The following SAMD11 variants were observed in gnomAD, a reference collection of about 807,000 sequenced individuals.
The protein encoded by SAMD11 is sterile alpha motif domain-containing protein 11.
A neutral mutation model predicts 64.4 loss-of-function variants in SAMD11; 77 were observed. That is an observed-to-expected ratio of 1.20 (90% CI 0.99 to 1.44). The LOEUF is 1.44. Ranked by LOEUF, SAMD11 falls within the 40% of genes most tolerant of loss-of-function variation. The pLI is 0.00. For missense variants in SAMD11, 1,402 were observed against 943.3 expected, an observed-to-expected ratio of 1.49 and a Z score of -6.37; for synonymous variants, 658 against 421.9, an observed-to-expected ratio of 1.56 and a Z score of -6.86.
At position 941,152 on chromosome 1, in the gene SAMD11, A is replaced by G. The variant is rs1371429338; in HGVS notation, c.1204A>G (p.Arg402Gly). The change falls in exon 8 of 14, where the codon AGG (arginine) becomes GGG (glycine). Residue 402 changes from arginine (R) to glycine (G), a missense_variant. Physicochemically the swap from Arg to Gly is moderately radical, Grantham distance 125 (BLOSUM62 -2). Coordinates refer to ENST00000616016, the MANE Select transcript of SAMD11 (RefSeq NM_001385641.1). ...HLGLPSHDLL[R>G]VRQEVAAAAL... The stretch of plus-strand genomic sequence containing the variant: ...TGTTGTCCCCCACCCAGATCTCCTG[A>G]GGGTCCGGCAGGAGGTGGCGGCTGC... 6 of 1,599,024 alleles carry G rather than the reference A, an allele frequency of 3.8e-6. No homozygotes were observed.
chr1:932,722 C>A (rs1446353402), intron 4 of SAMD11, among the ~76,000 whole-genome samples: 4 of 152,282 alleles, frequency 2.6e-5, no homozygotes, highest in Non-Finnish European at 4.4e-5. Context: ...GTGGTCTCCA[C>A]CCATCTGTCC....
chr1:940,871 C>G (rs1641722349), intron 7 of SAMD11, among the ~76,000 whole-genome samples: 1 of 152,178 alleles, frequency 6.6e-6, no homozygotes, highest in Admixed American at 6.5e-5. Context: ...CCCCTCCCCG[C>G]AAGGCTCAGC....
rs756313467 is a variant in SAMD11 at position 942,395 on chromosome 1, C to A, written c.1475-15C>A. 5 of 1,361,546 alleles carry A rather than the reference C, an allele frequency of 3.7e-6. No homozygotes were observed. Among genetic ancestry groups the A allele is most frequent in the Non-Finnish European group, 4.9e-6 (5 of 1,023,486 alleles). 84.3% of individuals were successfully genotyped at this position (1,361,546 alleles called of 1,614,324 possible). A position where few individuals can be genotyped will look rare whatever the true frequency, so the allele number is the denominator to read the frequency against. ...CTCGGACCCCCCGACCCCGCGTTGT[C>A]CCCCTCCCCACCAGGCTACGGCTTC... is the stretch of plus-strand genomic sequence containing the variant. On this transcript the variant is annotated splice_polypyrimidine_tract_variant and intron_variant, in intron 9 of 13. Transcript: ENST00000616016.
rs550987470 is a variant in SAMD11, at chr1:937,614, G to T, written c.968-1426G>T. ...GGCCCACCCCCTCCCAGCCCACCGA[G>T]CTCTGGCACGGGAGGCTGTGGGGGA... On this transcript the variant is annotated intron_variant, in intron 5 of 13. Transcript: ENST00000616016. Among the ~76,000 whole-genome samples the T allele has an allele frequency of 2.0e-5, 3 of 151,138 alleles. No individual in the cohort carries two copies. The South Asian group carries it at 6.3e-4, about 32-fold the overall frequency.
chr1:941,096 G>A (rs762167680), intron 7 of SAMD11, 48 bp from the exon 8 acceptor site: 3 of 1,517,376 alleles, frequency 2.0e-6, no homozygotes, highest in Non-Finnish European at 2.7e-6. Context: ...GGCTGGGGAG[G>A]ATGAGGGCGC....
intron 12 of SAMD11, 94 bp downstream of exon 12, chr1:943,471 C>A (rs1483094966): frequency 1.7e-6 from 2 of 1,143,148 alleles, no homozygotes; most frequent in East Asian, 2.4e-5. Context: ...CATTCCCCAA[C>A]GCCCTCTCCC....
chr1:942,587 C>T lies in SAMD11; in HGVS notation c.1582C>T (p.Gln528Ter). ...RLELPADLLR[Q>*]KELESARPQL... ...GGAGCTGCCCGCCGACCTCCTGCGG[C>T]AGAAGGAGCTGGAGAGCGCGCGCCC... Residue 528 changes from glutamine to a stop codon, truncating the protein, a stop_gained, in exon 11 of 14, where the codon CAG (glutamine) becomes TAG (stop). Coordinates refer to ENST00000616016, the MANE Select transcript of SAMD11 (RefSeq NM_001385641.1). LOFTEE classifies it high-confidence loss of function. 3 of 1,419,582 alleles carry T rather than the reference C, an allele frequency of 2.1e-6. No individual in the cohort carries two copies. The highest frequency in any genetic ancestry group is 1.5e-5 in the South Asian group (1 of 68,650). The allele number at this position is 1,419,582 out of a possible 1,614,324, so 87.9% of individuals were successfully genotyped here. A position where few individuals can be genotyped will look rare whatever the true frequency, so the allele number is the denominator to read the frequency against.
chr1:925,494 G>T (rs1402671293), intron 1 of SAMD11, among the ~76,000 whole-genome samples: 2 of 152,112 alleles, frequency 1.3e-5, no homozygotes, highest in African/African-American at 4.8e-5. Flanking sequence ...GCCAGGCGCC[G>T]CGGGGAGTTA....
At position 944,462 on chromosome 1, in the gene SAMD11, G is replaced by A; in HGVS notation, c.*309G>A. On this transcript the variant is annotated 3_prime_UTR_variant, in exon 14 of 14. Transcript: ENST00000616016. ...TGACGTCAGGGTCAGCTCCCCCGCG[G>A]AGCTGACTTCAGCAGCCCACAGCTG... 2.5e-6 allele frequency: 2 copies of A among 804,568 alleles called. No homozygotes were observed. Among genetic ancestry groups the A allele is most frequent in the Non-Finnish European group, 3.7e-6 (2 of 547,774 alleles). 49.8% of individuals were successfully genotyped at this position (804,568 alleles called of 1,614,324 possible).
At position 944,531 on chromosome 1, in the gene SAMD11, G is replaced by C. The variant is rs143853699; in HGVS notation, c.*378G>C. On this transcript the variant is annotated 3_prime_UTR_variant, in exon 14 of 14. Transcript: ENST00000616016. ...ACCAGCCCAGCCCAGCCCAGCTCTC[G>C]ATACGTTTGGTCTTTCATGCTGAAA... The C allele has an allele frequency of 9.6e-6, 6 of 624,112 alleles. No homozygotes were observed. The highest frequency in any genetic ancestry group is 2.0e-5 in the South Asian group (1 of 49,440). The allele number at this position is 624,112 out of a possible 1,614,324, so 38.7% of individuals were successfully genotyped here.
chr1:938,986 G>A (rs1395194148), intron 5 of SAMD11, 54 bp from the exon 6 acceptor site: 3 of 1,473,046 alleles, frequency 2.0e-6, no homozygotes, highest in African/African-American at 2.8e-5. Flanking sequence ...AGCAGGGGCT[G>A]GGTTCCCCTT....
chr1:930,160 G>A lies in SAMD11; in HGVS notation c.615G>A (p.Arg205=). 5.1e-6 allele frequency: 8 copies of A among 1,555,336 alleles called. No individual in the cohort carries two copies. The highest frequency in any genetic ancestry group is 7.0e-6 in the Non-Finnish European group (8 of 1,149,780). The change falls in exon 3 of 14, where the codon CGG becomes CGA. Residue 205 remains arginine, a synonymous_variant. Transcript: ENST00000616016. ...PGCRISSPVN[R]GRLADKRTVA... The stretch of plus-strand genomic sequence containing the variant: ...CTCTCCTCCTGCCCCACCAGAACCG[G>A]GGGCGGCTGGCAGACAAGAGGACAG...
chr1:924,542 G>T lies in SAMD11; in HGVS notation c.111G>T (p.Leu37=). 6.6e-6 allele frequency: 1 copy of T among 150,794 alleles called. No individual in the cohort carries two copies. The highest frequency in any genetic ancestry group is 1.9e-4 in the South Asian group (1 of 5,340). The allele number at this position is 150,794 out of a possible 1,614,324, so 9.3% of individuals were successfully genotyped here. ...ALPLPPLPGY[L]APLPAAAALP... Reference sequence around the variant, plus strand: ...CGCTGCCGCCGCTGCCAGGCTACCTGGCGCCACTGCCCGCGGCGGCCGCCC... The same window carrying T: ...CGCTGCCGCCGCTGCCAGGCTACCTTGCGCCACTGCCCGCGGCGGCCGCCC... The change falls in exon 1 of 14, where the codon CTG becomes CTT. Residue 37 remains leucine (L), a synonymous_variant. Transcript: ENST00000616016.
intron 2 of SAMD11, 43 bp from the exon 3 acceptor site, chr1:930,112 T>C: frequency 6.5e-7 from 1 of 1,531,138 alleles, no homozygotes. Context: ...TGCCCCACCT[T>C]CCTCTCCTCC....
chr1:931,733 CAG>C (rs1334497285), intron 4 of SAMD11, among the ~76,000 whole-genome samples: 15 of 152,164 alleles, frequency 9.9e-5, no homozygotes, highest in East Asian at 1.9e-4. Flanking sequence ...TCCTGGCAGA[CAG>C]GGGATTGGAT....
intron 5 of SAMD11, among the ~76,000 whole-genome samples, chr1:938,395 C>CAG (rs1641574436): frequency 6.6e-6 from 1 of 152,186 alleles, no homozygotes; most frequent in African/African-American, 2.4e-5. Context: ...CCCAGAAGCC[C>CAG]AGAGCCTGGC....
At chr1:940,262 C>G (rs1641674122) in intron 7 of SAMD11, 2 of 143,008 alleles carry the variant, frequency 1.4e-5, no homozygotes, top group South Asian at 2.2e-4. Context: ...GCGCCGGCCG[C>G]CGGGGAGCGC....
At chr1:937,444 G>GC (rs1327697692) in intron 5 of SAMD11, among the ~76,000 whole-genome samples, 7 of 121,880 alleles carry the variant, frequency 5.7e-5, no homozygotes, top group African/African-American at 1.8e-4. Flanking sequence ...GGAGGCCTTA[G>GC]CCCCCCACAG....
chr1:927,127 G>T lies in SAMD11; in HGVS notation c.609+1114G>T, dbSNP rs570178036. ...CATGTGCCCACCTGACACACAATCC[G>T]ACATGGACCTGCACGCACAGGCAGG... is the stretch of plus-strand genomic sequence containing the variant. On this transcript the variant is annotated intron_variant, in intron 2 of 13. Coordinates refer to ENST00000616016, the MANE Select transcript of SAMD11 (RefSeq NM_001385641.1). Among the ~76,000 whole-genome samples, 73 of 152,296 alleles carry T rather than the reference G, an allele frequency of 4.8e-4. 1 individual carries two copies. The South Asian group carries it at 0.014, about 30-fold the overall frequency.
Sources: gnomAD v4.1 joint callset for allele counts (sites outside exome capture counted in the v4.1 genomes callset) on GRCh38, gnomAD v4.1.1 for gene constraint, MANE v1.5 for transcripts, NCBI Gene and HGNC (gene_info 2026-07-23, HGNC 2026-07-21) for gene names.